MYPN: variants seen among roughly 807,000 people sequenced by gnomAD.
MYPN encodes the protein sarcomeric protein myopalladin, 145 kDa (MYOP).
Under a neutral mutation model 129.4 loss-of-function variants are expected in MYPN, and 63 were observed. The observed-to-expected ratio is 0.49, with a 90% confidence interval of 0.40 to 0.60. The LOEUF (loss-of-function observed/expected upper bound fraction) is 0.60. Among genes scored for constraint, MYPN ranks in the 20% least tolerant of loss-of-function variants. The pLI is 0.00. For synonymous variants in MYPN, 629 were observed against 600.9 expected (o/e 1.05, Z -0.68); for missense variants, 1,596 against 1,635.4 (o/e 0.98, Z 0.42).
At chr10:68,158,687 CTTA>C in intron 7 of MYPN, 60 bp downstream of exon 7, 3 of 1,173,088 alleles carry the variant, frequency 2.6e-6, no homozygotes, top group Non-Finnish European at 3.6e-6. Context: ...ATTGTACACA[CTTA>C]TTTTTATAAC....
chr10:68,136,552 G>A, intron 2 of MYPN: 1 of 1,436,296 alleles, frequency 7.0e-7, no homozygotes, highest in Non-Finnish European at 9.1e-7. Context: ...ATTTCTAAGT[G>A]GGTCATGCTG....
intron 19 of MYPN, among the ~76,000 whole-genome samples, chr10:68,209,671 C>CTTTTTTTTTTTTTTT (rs35392300): frequency 1.1e-4 from 15 of 131,194 alleles, no homozygotes; most frequent in South Asian, 2.4e-4. Flanking sequence ...GAATTCTTTT[C>CTTTTTTTTTTTTTTT]TTTTTTTTTT....
chr10:68,192,848 T>C (rs962623458), intron 13 of MYPN, among the ~76,000 whole-genome samples: 1 of 152,126 alleles, frequency 6.6e-6, no homozygotes, highest in Non-Finnish European at 1.5e-5. Context: ...GTTTCTGTGG[T>C]TATCAGTTGT....
chr10:68,124,633 T>C (rs1355989935), intron 2 of MYPN, among the ~76,000 whole-genome samples: 1 of 152,214 alleles, frequency 6.6e-6, no homozygotes, highest in Non-Finnish European at 1.5e-5. Context: ...CTGACCTCCT[T>C]GAGGGCAGGG....
intron 2 of MYPN, among the ~76,000 whole-genome samples, chr10:68,128,213 G>A (rs1394264945): frequency 1.6e-4 from 24 of 152,150 alleles, no homozygotes; most frequent in Admixed American, 1.6e-3. Context: ...CACAGCAAAT[G>A]GCCGTGATCC....
intron 12 of MYPN, among the ~76,000 whole-genome samples, chr10:68,182,393 CAT>C (rs1263512786): frequency 4.1e-4 from 39 of 95,476 alleles, no homozygotes; most frequent in East Asian, 1.4e-3. Context: ...ACATATATAA[CAT>C]ATATATAACA....
At chr10:68,137,911 T>A (rs558415959) in intron 2 of MYPN, among the ~76,000 whole-genome samples, 63 of 152,218 alleles carry the variant, frequency 4.1e-4, no homozygotes, top group Non-Finnish European at 7.2e-4. Context: ...CAACCCTTAA[T>A]GTAAACATCA....
intron 12 of MYPN, among the ~76,000 whole-genome samples, chr10:68,182,496 A>C (rs2043352344): frequency 7.0e-6 from 1 of 143,858 alleles, no homozygotes; most frequent in Non-Finnish European, 1.5e-5. Flanking sequence ...ACACACACAC[A>C]CATATATATA....
chr10:68,161,837 A>C, intron 8 of MYPN, 85 bp downstream of exon 8: 1 of 1,086,652 alleles, frequency 9.2e-7, no homozygotes, highest in South Asian at 1.4e-5. Flanking sequence ...ACTGAGATGA[A>C]TAAAAAGTGA....
At chr10:68,101,683 T>C (rs2041982579), upstream of MYPN, among the ~76,000 whole-genome samples, 2 of 152,174 alleles carry the variant, frequency 1.3e-5, no homozygotes, top group African/African-American at 4.8e-5. Flanking sequence ...AGTATCTGTC[T>C]TTTAGTTGGT....
Position 68,211,088 on chromosome 10 carries a change from C to G in MYPN, c.*633C>G. The G allele has an allele frequency of 2.2e-6, 1 of 454,124 alleles. No homozygotes were observed. Among genetic ancestry groups the G allele is most frequent in the South Asian group, 1.6e-5 (1 of 64,476 alleles). 28.1% of individuals were successfully genotyped at this position (454,124 alleles called of 1,614,324 possible). A position where few individuals can be genotyped will look rare whatever the true frequency, so the allele number is the denominator to read the frequency against. On this transcript the variant is annotated 3_prime_UTR_variant, in exon 20 of 20. Transcript: ENST00000358913. ...GAGATTCCAAAAACTTGCTGAAACACTTGATATTGCACAGTGCACTTATTT... is the reference window on the plus strand; with the variant it reads ...GAGATTCCAAAAACTTGCTGAAACAGTTGATATTGCACAGTGCACTTATTT...
intron 2 of MYPN, 63 bp downstream of exon 2, chr10:68,122,403 G>GTAT: frequency 6.4e-7 from 1 of 1,555,474 alleles, no homozygotes; most frequent in Non-Finnish European, 8.8e-7. Flanking sequence ...ACCCTCCCAA[G>GTAT]TATTATCATT....
At chr10:68,134,151 C>A (rs373541724) in intron 2 of MYPN, among the ~76,000 whole-genome samples, 1 of 152,040 alleles carries the variant, frequency 6.6e-6, no homozygotes, top group East Asian at 1.9e-4. Flanking sequence ...TCAAGATGTT[C>A]GTTTGTTCAT....
chr10:68,179,295 T>C (rs2043277667), intron 12 of MYPN, among the ~76,000 whole-genome samples: 2 of 152,186 alleles, frequency 1.3e-5, no homozygotes, highest in South Asian at 4.1e-4. Flanking sequence ...ACTTTGGGCA[T>C]TTCAGGACCT....
chr10:68,202,267 C>T (rs1390064016), intron 18 of MYPN, among the ~76,000 whole-genome samples: 2 of 152,014 alleles, frequency 1.3e-5, no homozygotes, highest in Non-Finnish European at 2.9e-5. Context: ...CCTATCTTTA[C>T]TAAAAAATAC....
At chr10:68,145,799 G>A (rs2042656342) in intron 4 of MYPN, among the ~76,000 whole-genome samples, 1 of 152,156 alleles carries the variant, frequency 6.6e-6, no homozygotes, top group Admixed American at 6.5e-5. Context: ...CTTTGTTCAT[G>A]CCTACCTTGA....
At position 68,158,488 on chromosome 10, in the gene MYPN, G is replaced by A. The variant is rs1295409401; in HGVS notation, c.1320G>A (p.Met440Ile). The change falls in exon 7 of 20, where the codon ATG becomes ATA. Residue 440 changes from methionine (M) to isoleucine (I), a missense_variant and splice_region_variant. Transcript: ENST00000358913. ...CTACATTCTTCTTATCATTATAGAT[G>A]CTACAAAATTTGTCAGCTTCTGAGG... ...PIIAAPVFTK[M>I]LQNLSASEGQ... 6 of 1,613,610 alleles carry A rather than the reference G, an allele frequency of 3.7e-6. No individual in the cohort carries two copies. The highest frequency in any genetic ancestry group is 5.1e-6 in the Non-Finnish European group (6 of 1,179,602).
At chr10:68,132,581 A>C (rs2042427021) in intron 2 of MYPN, among the ~76,000 whole-genome samples, 1 of 152,202 alleles carries the variant, frequency 6.6e-6, no homozygotes, top group Non-Finnish European at 1.5e-5. Context: ...CTGAATCAGC[A>C]GTTAATTACT....
Position 68,188,895 on chromosome 10 carries a change from A to AT in MYPN, c.2704-6dup. The AT allele has an allele frequency of 6.2e-7, 1 of 1,612,366 alleles. No homozygotes were observed. The highest frequency in any genetic ancestry group is 1.3e-5 in the African/African-American group (1 of 75,028). Reference sequence around the variant, plus strand: ...ATATGGAAATTGAAACACGTTTGTCATTTTGACAGGAGTACAAAATTTCAA... The same window carrying AT: ...ATATGGAAATTGAAACACGTTTGTCATTTTTGACAGGAGTACAAAATTTCAA... On this transcript the variant is annotated splice_polypyrimidine_tract_variant and intron_variant, in intron 12 of 19. Coordinates refer to ENST00000358913, the MANE Select transcript of MYPN (RefSeq NM_032578.4).
Sources: gnomAD v4.1 joint callset for allele counts (sites outside exome capture counted in the v4.1 genomes callset) on GRCh38, gnomAD v4.1.1 for gene constraint, MANE v1.5 for transcripts, NCBI Gene and HGNC (gene_info 2026-07-23, HGNC 2026-07-21) for gene names.